Variants in TRAF2 observed in about 807,000 individuals in gnomAD.
TRAF2 encodes the protein TNF receptor associated factor 2.
In TRAF2, 6 loss-of-function variants were observed where a neutral mutation model predicts 55.6. That is an observed-to-expected ratio of 0.11 (90% CI 0.06 to 0.21). The LOEUF is 0.21. TRAF2 is among the 10% of genes least tolerant of loss of function. TRAF2 has a pLI of 1.00. For missense variants in TRAF2, 561 were observed against 684.5 expected (o/e 0.82, Z 2.01); for synonymous variants, 329 against 276.3 (o/e 1.19, Z -1.89).
At chr9:136,916,932 G>A (rs1004788213) in intron 7 of TRAF2, among the ~76,000 whole-genome samples, 2 of 152,060 alleles carry the variant, frequency 1.3e-5, no homozygotes, top group Admixed American at 6.6e-5. Flanking sequence ...CGGCCGGCTC[G>A]CCACGACCAC....
At position 136,925,803 on chromosome 9, in the gene TRAF2, C is replaced by A; in HGVS notation, c.1408C>A (p.Pro470Thr). 6.2e-7 allele frequency: 1 copy of A among 1,614,256 alleles called. No individual in the cohort carries two copies. The highest frequency in any genetic ancestry group is 8.5e-7 in the Non-Finnish European group (1 of 1,180,042). Residue 470 changes from proline to threonine, a missense_variant, in exon 11 of 11, where the codon CCC becomes ACC. Transcript: ENST00000247668. Reference protein sequence around the residue: ...VNDMNIASGCPLFCPVSKMEA... With the variant: ...VNDMNIASGCTLFCPVSKMEA... ...CGACATGAACATCGCAAGCGGCTGC[C>A]CCCTCTTCTGCCCCGTCTCCAAGAT...
chr9:136,911,565 A>G (rs1405958234), intron 6 of TRAF2, among the ~76,000 whole-genome samples: 1 of 151,210 alleles, frequency 6.6e-6, no homozygotes, highest in Non-Finnish European at 1.5e-5. Flanking sequence ...GCCCCAGCCC[A>G]TTGCATCTTT....
chr9:136,885,682 C>G (rs1263122394), upstream of TRAF2, among the ~76,000 whole-genome samples: 1 of 152,030 alleles, frequency 6.6e-6, no homozygotes, highest in Non-Finnish European at 1.5e-5. Flanking sequence ...GCAGGAGAAT[C>G]GCTTGAACCC....
chr9:136,920,902 A>AG, intron 8 of TRAF2, 136 bp from the exon 9 acceptor site: 1 of 1,085,800 alleles, frequency 9.2e-7, no homozygotes, highest in African/African-American at 1.6e-5. Flanking sequence ...TCTTGTGTGC[A>AG]GGGAGTGGAC....
chr9:136,923,981 G>A lies in TRAF2; in HGVS notation c.1268G>A (p.Arg423Gln), dbSNP rs770529241. The change falls in exon 10 of 11, where the codon CGG (arginine) becomes CAG (glutamine). Residue 423 changes from arginine (R) to glutamine (Q), a missense_variant. Coordinates refer to ENST00000247668, the MANE Select transcript of TRAF2 (RefSeq NM_021138.4). ...VMKGPNDALL[R>Q]WPFNQKVTLM... ...AAGGGCCCGAATGACGCCCTGCTGC[G>A]GTGGCCCTTCAACCAGAAGGTGAGG... 7 of 1,613,356 alleles carry A rather than the reference G, an allele frequency of 4.3e-6. No homozygotes were observed. Among genetic ancestry groups the A allele is most frequent in the Admixed American group, 1.7e-5 (1 of 60,002 alleles).
intron 1 of TRAF2, among the ~76,000 whole-genome samples, chr9:136,891,947 A>G (rs1180960776): frequency 2.0e-5 from 3 of 148,906 alleles, no homozygotes; most frequent in African/African-American, 4.9e-5. Context: ...CTCGATCACC[A>G]CCTCAGGTGA....
chr9:136,911,554 T>TGCCCCA (rs1376608126), intron 6 of TRAF2, among the ~76,000 whole-genome samples: 2 of 151,952 alleles, frequency 1.3e-5, no homozygotes, highest in Non-Finnish European at 2.9e-5. Context: ...CGTGAGCCAC[T>TGCCCCA]GCCCCAGCCC....
At chr9:136,905,802 G>A (rs1180343198) in intron 4 of TRAF2, among the ~76,000 whole-genome samples, 4 of 152,074 alleles carry the variant, frequency 2.6e-5, no homozygotes, top group Admixed American at 6.5e-5. Flanking sequence ...TTCAAGACCA[G>A]CCTGGGTAAG....
chr9:136,882,071 G>A (rs1849381498), upstream of TRAF2: 3 of 984,416 alleles, frequency 3.0e-6, no homozygotes, highest in Non-Finnish European at 3.6e-6. Flanking sequence ...AGGCACACAA[G>A]GGTCCCTTGT....
chr9:136,912,656 G>A (rs994588690), intron 6 of TRAF2, among the ~76,000 whole-genome samples: 12 of 152,160 alleles, frequency 7.9e-5, no homozygotes, highest in Non-Finnish European at 1.6e-4. Flanking sequence ...GGCCAACGTG[G>A]TGAAACTCCG....
chr9:136,886,973 C>T (rs1588413562), intron 1 of TRAF2, among the ~76,000 whole-genome samples: 1 of 152,206 alleles, frequency 6.6e-6, no homozygotes, highest in South Asian at 2.1e-4. Context: ...CACCCTCAGC[C>T]GGCTGCGTGC....
At position 136,920,316 on chromosome 9, in the gene TRAF2, C is replaced by G. The variant is rs1440011070; in HGVS notation, c.761C>G (p.Ala254Gly). Residue 254 changes from alanine to glycine, a missense_variant, in exon 8 of 11, where the codon GCA (alanine) becomes GGA (glycine). Ala to Gly is a moderately conservative substitution (Grantham distance 60). Around this residue, in one of 2 missense-constraint regions of TRAF2, gnomAD observed 426 missense variants for 476.8 expected, o/e 0.89. Coordinates refer to ENST00000247668, the MANE Select transcript of TRAF2 (RefSeq NM_021138.4). ...LAMLLSSVLE[A>G]KPLLGDQSHA... ...ATGCTACTGAGCTCGGTGCTGGAGG[C>G]AAAGCCCCTCTTGGGAGACCAGAGC... is the stretch of plus-strand genomic sequence containing the variant. 13 of 1,613,886 alleles carry G rather than the reference C, an allele frequency of 8.1e-6. 1 individual carries two copies. The highest frequency in any genetic ancestry group is 1.1e-5 in the Non-Finnish European group (13 of 1,180,052).
In TRAF2 at chr9:136,899,588, C is replaced by T. The variant is rs751057703; in HGVS notation, c.189-6C>T. On this transcript the variant is annotated splice_region_variant and splice_polypyrimidine_tract_variant and intron_variant, in intron 2 of 10. Coordinates refer to ENST00000247668, the MANE Select transcript of TRAF2 (RefSeq NM_021138.4). ...TGGGTTGTTTTTTGCCTTTTTTCCC[C>T]ACTAGCTCTGGGCCTCAGAACTGTG... The T allele has an allele frequency of 4.4e-6, 7 of 1,603,402 alleles. No individual in the cohort carries two copies. The highest frequency in any genetic ancestry group is 3.4e-5 in the South Asian group (3 of 89,422).
chr9:136,884,880 C>G (rs1849417023), upstream of TRAF2, among the ~76,000 whole-genome samples: 1 of 152,258 alleles, frequency 6.6e-6, no homozygotes, highest in Non-Finnish European at 1.5e-5. Context: ...CCCGAGCTGG[C>G]TGCTGCAGAC....
At position 136,925,969 on chromosome 9, in the gene TRAF2, G is replaced by C. The variant is rs7852970; in HGVS notation, c.*68G>C. 2 of 1,574,854 alleles carry C rather than the reference G, an allele frequency of 1.3e-6. No homozygotes were observed. The highest frequency in any genetic ancestry group is 1.3e-5 in the African/African-American group (1 of 74,096). ...AGCCGGCTCACGGAGGGGCCACCAC[G>C]CTGGGCCAGGGTCTCACTGTACAAG... On this transcript the variant is annotated 3_prime_UTR_variant, in exon 11 of 11. Coordinates refer to ENST00000247668, the MANE Select transcript of TRAF2 (RefSeq NM_021138.4).
At chr9:136,887,244 A>G (rs1849474683) in intron 1 of TRAF2, among the ~76,000 whole-genome samples, 1 of 152,052 alleles carries the variant, frequency 6.6e-6, no homozygotes, top group Admixed American at 6.6e-5. Flanking sequence ...GTAGCAGGGG[A>G]TGTTTGTGGA....
At chr9:136,916,716 A>C in intron 7 of TRAF2, 101 bp downstream of exon 7, 1 of 1,184,908 alleles carries the variant, frequency 8.4e-7, no homozygotes, top group Non-Finnish European at 1.2e-6. Context: ...GCTGCTCCTC[A>C]GCCACCTCTG....
At position 136,926,057 on chromosome 9, in the gene TRAF2, G is replaced by T. The variant is rs753638846; in HGVS notation, c.*156G>T. On this transcript the variant is annotated 3_prime_UTR_variant, in exon 11 of 11. Coordinates refer to ENST00000247668, the MANE Select transcript of TRAF2 (RefSeq NM_021138.4). ...GGCCTGCAGCCAAGTTCACTGTCAC[G>T]GGGGAAGGAGCCACCAGCCAGTCCT... is the stretch of plus-strand genomic sequence containing the variant. 1.1e-6 allele frequency: 1 copy of T among 908,140 alleles called. No individual in the cohort carries two copies. The highest frequency in any genetic ancestry group is 1.8e-6 in the Non-Finnish European group (1 of 555,592). The allele number at this position is 908,140 out of a possible 1,614,324, so 56.3% of individuals were successfully genotyped here.
chr9:136,925,925 G>A lies in TRAF2; in HGVS notation c.*24G>A, dbSNP rs765903848. 3 of 1,612,924 alleles carry A rather than the reference G, an allele frequency of 1.9e-6. No individual in the cohort carries two copies. The highest frequency in any genetic ancestry group is 2.2e-5 in the South Asian group (2 of 91,040). ...AACTGCCCCCTACTGGTGTCTGGGG[G>A]TTGGGGGCAGCCAGGCACAGCCGGC... is the stretch of plus-strand genomic sequence containing the variant. On this transcript the variant is annotated 3_prime_UTR_variant, in exon 11 of 11. Transcript: ENST00000247668.
Sources: allele counts gnomAD v4.1 joint callset (sites outside exome capture counted in the v4.1 genomes callset), GRCh38; gene constraint gnomAD v4.1.1; regional missense constraint gnomAD v4.1.1; transcripts MANE v1.5; gene names NCBI Gene and HGNC (gene_info 2026-07-23, HGNC 2026-07-21).